GRIK2: variants seen among roughly 807,000 people sequenced by gnomAD.
The protein encoded by GRIK2 is glutamate receptor ionotropic, kainate 2.
A neutral mutation model predicts 100.3 loss-of-function variants in GRIK2; 32 were observed. The ratio of observed to expected loss-of-function variants is 0.32; its 90% confidence interval spans 0.24 to 0.43. GRIK2 has a LOEUF of 0.43. Among genes scored for constraint, GRIK2 ranks in the 20% least tolerant of loss-of-function variants. The probability of loss-of-function intolerance (pLI) is 1.00; values close to 1 mark genes in which losing one functional copy is unlikely to be tolerated. For missense variants in GRIK2, 843 were observed against 1,114.9 expected, an observed-to-expected ratio of 0.76 and a Z score of 3.47; for synonymous variants, 417 against 389.4, an observed-to-expected ratio of 1.07 and a Z score of -0.83.
At chr6:101,719,687 G>A (rs1359902914) in intron 7 of GRIK2, among the ~76,000 whole-genome samples, 2 of 151,922 alleles carry the variant, frequency 1.3e-5, no homozygotes, top group Non-Finnish European at 2.9e-5. Context: ...GAATAGCTGT[G>A]CTAAATGCAT....
chr6:101,588,676 A>ACG (rs1318249382), intron 2 of GRIK2, among the ~76,000 whole-genome samples: 7 of 142,380 alleles, frequency 4.9e-5, no homozygotes, highest in South Asian at 2.1e-4. Flanking sequence ...ACGCACACAC[A>ACG]CACACACAGA....
At chr6:102,060,205 A>C (rs1582805608) in intron 16 of GRIK2, among the ~76,000 whole-genome samples, 1 of 150,924 alleles carries the variant, frequency 6.6e-6, no homozygotes, top group African/African-American at 2.4e-5. Context: ...TACCTAAGAC[A>C]ATCTCTAAAT....
At chr6:101,792,329 T>G (rs1463714937) in intron 7 of GRIK2, among the ~76,000 whole-genome samples, 1 of 152,210 alleles carries the variant, frequency 6.6e-6, no homozygotes, top group African/African-American at 2.4e-5. Flanking sequence ...TTGGCATGAT[T>G]TTGCAGTGGC....
At chr6:101,777,383 G>T (rs1384789798) in intron 7 of GRIK2, among the ~76,000 whole-genome samples, 1 of 152,110 alleles carries the variant, frequency 6.6e-6, no homozygotes, top group Non-Finnish European at 1.5e-5. Flanking sequence ...TCCCATTTAG[G>T]CTTGTGCTGA....
At chr6:101,716,357 A>G (rs1774067431) in intron 7 of GRIK2, among the ~76,000 whole-genome samples, 1 of 151,708 alleles carries the variant, frequency 6.6e-6, no homozygotes, top group Non-Finnish European at 1.5e-5. Context: ...CTGGAACTAA[A>G]ATAGTAATTG....
chr6:101,916,174 C>T (rs1266228439), intron 12 of GRIK2, among the ~76,000 whole-genome samples: 1 of 151,404 alleles, frequency 6.6e-6, no homozygotes, highest in African/African-American at 2.4e-5. Context: ...TTAATTTTAA[C>T]ATTTGAAATA....
intron 14 of GRIK2, among the ~76,000 whole-genome samples, chr6:102,032,264 A>G (rs1450876954): frequency 6.6e-6 from 1 of 151,284 alleles, no homozygotes; most frequent in Non-Finnish European, 1.5e-5. Flanking sequence ...CCCTTTAGAA[A>G]GACAGTCTGG....
chr6:101,756,233 T>C (rs549491647), intron 7 of GRIK2, among the ~76,000 whole-genome samples: 17 of 151,962 alleles, frequency 1.1e-4, no homozygotes, highest in Non-Finnish European at 2.1e-4. Flanking sequence ...AGAAAACAAA[T>C]TAGAGTCAAG....
intron 2 of GRIK2, among the ~76,000 whole-genome samples, chr6:101,453,194 C>A (rs1444843607): frequency 1.3e-5 from 2 of 151,592 alleles, no homozygotes; most frequent in East Asian, 1.9e-4. Flanking sequence ...TCAGATTTCC[C>A]ATCCTTTTTT....
At chr6:101,704,573 G>T (rs941558111) in intron 7 of GRIK2, among the ~76,000 whole-genome samples, 6 of 151,456 alleles carry the variant, frequency 4.0e-5, no homozygotes, top group African/African-American at 1.5e-4. Flanking sequence ...TTCTTAGAAA[G>T]TTATTTAGAC....
chr6:101,484,928 A>G (rs1772738146), intron 2 of GRIK2, among the ~76,000 whole-genome samples: 1 of 152,184 alleles, frequency 6.6e-6, no homozygotes, highest in Non-Finnish European at 1.5e-5. Context: ...TTATTGGCGT[A>G]CCTGACAGAC....
intron 12 of GRIK2, among the ~76,000 whole-genome samples, chr6:101,891,920 T>C (rs1011803859): frequency 2.0e-5 from 3 of 152,158 alleles, no homozygotes; most frequent in African/African-American, 7.2e-5. Context: ...CACTCTAGTT[T>C]ATGTGTTCAG....
chr6:101,457,857 A>G (rs1291410113), intron 2 of GRIK2, among the ~76,000 whole-genome samples: 1 of 152,128 alleles, frequency 6.6e-6, no homozygotes, highest in Non-Finnish European at 1.5e-5. Context: ...TCTGAAAGCA[A>G]AGGTAAGGAT....
intron 4 of GRIK2, 73 bp from the exon 5 acceptor site, chr6:101,676,550 T>C (rs1770855089): frequency 2.4e-6 from 2 of 831,242 alleles, no homozygotes; most frequent in Admixed American, 2.9e-5. Context: ...TTCTAATGAG[T>C]GTTTTCTGAT....
chr6:102,034,273 G>A (rs1401172966), intron 14 of GRIK2, among the ~76,000 whole-genome samples: 3 of 151,244 alleles, frequency 2.0e-5, no homozygotes, highest in African/African-American at 4.8e-5. Context: ...ATTTTTCTCT[G>A]TAATATTGTG....
chr6:101,729,920 A>G (rs2128370387), intron 7 of GRIK2, among the ~76,000 whole-genome samples: 1 of 152,108 alleles, frequency 6.6e-6, no homozygotes, highest in East Asian at 1.9e-4. Context: ...TCATAATTCT[A>G]CTAAACAGCA....
At chr6:101,497,673 T>C (rs140919935) in intron 2 of GRIK2, among the ~76,000 whole-genome samples, 359 of 152,238 alleles carry the variant, frequency 2.4e-3, no homozygotes, top group Middle Eastern at 6.8e-3. Flanking sequence ...TAGAGAGATA[T>C]TTCTTATTTT....
intron 7 of GRIK2, among the ~76,000 whole-genome samples, chr6:101,704,837 A>T (rs1773144913): frequency 6.6e-6 from 1 of 151,182 alleles, no homozygotes; most frequent in Non-Finnish European, 1.5e-5. Flanking sequence ...TAAACAAGGA[A>T]ACATTGAGTT....
intron 14 of GRIK2, among the ~76,000 whole-genome samples, chr6:101,979,088 A>C (rs1045987045): frequency 3.3e-5 from 5 of 152,034 alleles, no homozygotes; most frequent in Non-Finnish European, 7.4e-5. Flanking sequence ...ACAAACAGGA[A>C]CAAGCCAGTT....
Sources: allele counts gnomAD v4.1 joint callset (sites outside exome capture counted in the v4.1 genomes callset), GRCh38; gene constraint gnomAD v4.1.1; transcripts MANE v1.5; gene names NCBI Gene and HGNC (gene_info 2026-07-23, HGNC 2026-07-21).